The following PDS5A variants were observed in gnomAD, a reference collection of about 807,000 sequenced individuals.
PDS5A encodes the protein PDS5 cohesin associated factor A, also known as sister chromatid cohesion protein PDS5 homolog A.
A neutral mutation model predicts 167.1 loss-of-function variants in PDS5A; 42 were observed. The observed-to-expected ratio is 0.25, with a 90% CI of 0.20 to 0.33. The LOEUF (loss-of-function observed/expected upper bound fraction) is 0.33, where lower values mean the gene tolerates loss of function less well. Among genes scored for constraint, PDS5A ranks in the 10% least tolerant of loss-of-function variants. The pLI is 1.00. For synonymous variants in PDS5A, 553 were observed against 554.6 expected, an observed-to-expected ratio of 1.00 and a Z score of 0.04; for missense variants, 1,033 against 1,605.9, an observed-to-expected ratio of 0.64 and a Z score of 6.10.
chr4:39,844,863 T>C, intron 29 of PDS5A, 62 bp from the exon 30 acceptor site: 3 of 1,486,104 alleles, frequency 2.0e-6, no homozygotes, highest in South Asian at 2.7e-5. Flanking sequence ...CATGTATACA[T>C]GTAAATTTAG....
In PDS5A at chr4:39,879,811, T is replaced by C; in HGVS notation, c.1909A>G (p.Lys637Glu). The C allele has an allele frequency of 6.2e-7, 1 of 1,608,118 alleles. No homozygotes were observed. Among genetic ancestry groups the C allele is most frequent in the Non-Finnish European group, 8.5e-7 (1 of 1,174,686 alleles). ...AISALVKLMN[K>E]SIEGTADDEE... ...TCATCTGCTGTCCCCTCTATTGACT[T>C]ATTCATCAATTTCACTAGTGCACTA... Residue 637 changes from lysine (K) to glutamate (E), a missense_variant, in exon 18 of 33, where the codon AAG (lysine) becomes GAG (glutamate). Lys to Glu is a moderately conservative substitution (Grantham distance 56, BLOSUM62 1). This residue lies in a region of PDS5A where 367 missense variants were observed against 686.7 expected (regional missense o/e 0.53). Transcript: ENST00000303538.
At chr4:39,849,833 T>C (rs1717958587) in intron 26 of PDS5A, among the ~76,000 whole-genome samples, 181 bp from the exon 27 acceptor site, 1 of 152,082 alleles carries the variant, frequency 6.6e-6, no homozygotes, top group Admixed American at 6.6e-5. Context: ...AAGCATAAAA[T>C]AACATATAAA....
intron 23 of PDS5A, among the ~76,000 whole-genome samples, chr4:39,864,500 G>A (rs1719262103): frequency 6.6e-6 from 1 of 152,192 alleles, no homozygotes; most frequent in Non-Finnish European, 1.5e-5. Flanking sequence ...TGGCATGGGA[G>A]TCTTTCTACT....
intron 3 of PDS5A, 67 bp from the exon 4 acceptor site, chr4:39,926,928 G>C: frequency 8.2e-7 from 1 of 1,223,706 alleles, no homozygotes; most frequent in Non-Finnish European, 1.1e-6. Flanking sequence ...CTAATAGTAT[G>C]TAACTTTATT....
At chr4:39,941,898 A>G (rs1380541892) in intron 2 of PDS5A, among the ~76,000 whole-genome samples, 4 of 152,210 alleles carry the variant, frequency 2.6e-5, no homozygotes, top group African/African-American at 7.2e-5. Context: ...CTGCTGCTCC[A>G]TCCTGAACCA....
chr4:39,963,398 G>A (rs1297874441), intron 2 of PDS5A, among the ~76,000 whole-genome samples: 1 of 152,062 alleles, frequency 6.6e-6, no homozygotes, highest in East Asian at 1.9e-4. Context: ...GGCGGAGGTT[G>A]CAGTAAGCCG....
intron 16 of PDS5A, among the ~76,000 whole-genome samples, chr4:39,894,624 G>A (rs1273466003): frequency 6.6e-6 from 1 of 152,062 alleles, no homozygotes; most frequent in East Asian, 1.9e-4. Flanking sequence ...CATGTTCTAT[G>A]CAGCTAGACC....
chr4:39,890,203 T>C (rs1013199614), intron 17 of PDS5A, 46 bp downstream of exon 17: 4 of 1,015,348 alleles, frequency 3.9e-6, no homozygotes, highest in African/African-American at 3.2e-5. Context: ...AACATTGTCG[T>C]TGCAGATTAT....
intron 18 of PDS5A, among the ~76,000 whole-genome samples, chr4:39,877,709 G>T (rs1720580607): frequency 6.6e-6 from 1 of 151,876 alleles, no homozygotes; most frequent in Non-Finnish European, 1.5e-5. Context: ...GCTCACTGGG[G>T]TCTCAACCTC....
At chr4:39,861,339 T>C (rs1377079778) in intron 26 of PDS5A, among the ~76,000 whole-genome samples, 1 of 151,970 alleles carries the variant, frequency 6.6e-6, no homozygotes, top group Non-Finnish European at 1.5e-5. Flanking sequence ...GCACCTGTAG[T>C]CCCAGCTACT....
chr4:39,971,180 ACAGAGTCGCGCTTTGT>A (rs1434107040), intron 2 of PDS5A, among the ~76,000 whole-genome samples: 1 of 149,950 alleles, frequency 6.7e-6, no homozygotes, highest in Admixed American at 6.6e-5. Context: ...TGTTTTCGAG[ACAGAGTCGCGCTTTGT>A]CACCCAGGCT....
intron 17 of PDS5A, among the ~76,000 whole-genome samples, chr4:39,887,055 C>G (rs1339283380): frequency 3.3e-5 from 5 of 152,064 alleles, no homozygotes; most frequent in Non-Finnish European, 5.9e-5. Context: ...ATAATGTCAT[C>G]TGCGAACAAG....
chr4:39,962,266 C>T (rs1036631066), intron 2 of PDS5A, among the ~76,000 whole-genome samples: 26 of 151,672 alleles, frequency 1.7e-4, no homozygotes, highest in African/African-American at 4.6e-4. Flanking sequence ...CTGTGTTAGC[C>T]AGGATGGTCT....
At chr4:39,947,705 CAT>C (rs1371688280) in intron 2 of PDS5A, among the ~76,000 whole-genome samples, 1 of 152,194 alleles carries the variant, frequency 6.6e-6, no homozygotes, top group African/African-American at 2.4e-5. Flanking sequence ...TCCTGGGTCA[CAT>C]GTGACCCACG....
At chr4:39,930,246 A>AAAAAAAAAAAAAAAAAAAAAATTTTTTT in intron 2 of PDS5A, among the ~76,000 whole-genome samples, 1 of 93,090 alleles carries the variant, frequency 1.1e-5, no homozygotes, top group Non-Finnish European at 2.2e-5. Context: ...AAAAAAAAAA[A>AAAAAAAAAAAAAAAAAAAAAATTTTTTT]GTTTTTTTGT....
intron 2 of PDS5A, chr4:39,973,485 T>C (rs1031639576): frequency 1.5e-6 from 2 of 1,337,088 alleles, no homozygotes; most frequent in Non-Finnish European, 2.2e-6. Flanking sequence ...AAAATCTTGA[T>C]GATAGTATTG....
At chr4:39,835,702 T>C (rs974147491) in intron 32 of PDS5A, among the ~76,000 whole-genome samples, 2 of 152,178 alleles carry the variant, frequency 1.3e-5, no homozygotes, top group Non-Finnish European at 1.5e-5. Flanking sequence ...TTTGCATTTT[T>C]AGTAGAAATG....
chr4:39,827,560 A>G (rs1334849642), intron 32 of PDS5A, among the ~76,000 whole-genome samples: 3 of 152,234 alleles, frequency 2.0e-5, no homozygotes, highest in Non-Finnish European at 4.4e-5. Context: ...TGTTTAACAC[A>G]TGAGGATACA....
At chr4:39,949,195 A>G (rs1433782130) in intron 2 of PDS5A, among the ~76,000 whole-genome samples, 1 of 151,126 alleles carries the variant, frequency 6.6e-6, no homozygotes, top group Non-Finnish European at 1.5e-5. Flanking sequence ...CCAGCTACTC[A>G]GGAAGCTGAG....
Sources: allele counts gnomAD v4.1 joint callset (sites outside exome capture counted in the v4.1 genomes callset), GRCh38; gene constraint gnomAD v4.1.1; regional missense constraint gnomAD v4.1.1; transcripts MANE v1.5; gene names NCBI Gene and HGNC (gene_info 2026-07-23, HGNC 2026-07-21).